The following C13orf42 variants were observed in gnomAD, a reference collection of about 807,000 sequenced individuals.
C13orf42 encodes chromosome 13 open reading frame 42, also known as uncharacterized protein C13orf42.
At chr13:51,115,435 T>C (rs1158805823), upstream of C13orf42, among the ~76,000 whole-genome samples, 2 of 152,178 alleles carry the variant, frequency 1.3e-5, no homozygotes, top group East Asian at 1.9e-4. Context: ...CTCCCTACAG[T>C]TGGGGACGTT....
At chr13:51,134,442 G>A (rs1036269479) in intron 1 of C13orf42, among the ~76,000 whole-genome samples, 3 of 152,128 alleles carry the variant, frequency 2.0e-5, no homozygotes, top group South Asian at 2.1e-4. Flanking sequence ...GATACCTCTC[G>A]GCAAAGGGGC....
chr13:51,120,353 G>T (rs950612711), intron 1 of C13orf42, among the ~76,000 whole-genome samples: 1 of 152,130 alleles, frequency 6.6e-6, no homozygotes, highest in Non-Finnish European at 1.5e-5. Context: ...AGATGTGAAC[G>T]CAGAAGCTGT....
chr13:51,170,461 C>T (rs1405504492), intron 1 of C13orf42, among the ~76,000 whole-genome samples: 1 of 152,178 alleles, frequency 6.6e-6, no homozygotes, highest in African/African-American at 2.4e-5. Flanking sequence ...ATTTCGAATC[C>T]GGTAAGTGGC....
At chr13:51,089,347 T>C (rs1953159954) in intron 1 of C13orf42, among the ~76,000 whole-genome samples, 1 of 152,174 alleles carries the variant, frequency 6.6e-6, no homozygotes, top group African/African-American at 2.4e-5. Flanking sequence ...CACCTTGATA[T>C]GATTTGGCTC....
chr13:51,137,703 CT>C (rs1416063296), intron 1 of C13orf42, among the ~76,000 whole-genome samples: 1 of 152,140 alleles, frequency 6.6e-6, no homozygotes, highest in East Asian at 1.9e-4. Context: ...AAATAACACA[CT>C]TTTATCTGAT....
upstream of C13orf42, among the ~76,000 whole-genome samples, chr13:51,112,740 C>T (rs923435709): frequency 7.9e-5 from 12 of 152,260 alleles, no homozygotes; most frequent in African/African-American, 2.6e-4. Flanking sequence ...AGAAGGGGCG[C>T]GCTGGAGAGG....
intron 1 of C13orf42, among the ~76,000 whole-genome samples, chr13:51,134,654 T>G (rs1247921606): frequency 1.3e-5 from 2 of 152,250 alleles, no homozygotes; most frequent in Non-Finnish European, 2.9e-5. Context: ...AAAAACCTGC[T>G]GGGCCCAGCT....
At chr13:51,127,589 A>G (rs1412116898) in intron 1 of C13orf42, among the ~76,000 whole-genome samples, 1 of 152,224 alleles carries the variant, frequency 6.6e-6, no homozygotes, top group Admixed American at 6.5e-5. Context: ...GCAAAGTGTT[A>G]CCTTCCATGA....
At chr13:51,156,025 C>T (rs1210094887) in intron 1 of C13orf42, among the ~76,000 whole-genome samples, 1 of 152,178 alleles carries the variant, frequency 6.6e-6, no homozygotes, top group African/African-American at 2.4e-5. Flanking sequence ...AAGCCTGGAA[C>T]AACATTTTCT....
At chr13:51,147,600 G>T (rs1953746531) in intron 1 of C13orf42, among the ~76,000 whole-genome samples, 1 of 152,198 alleles carries the variant, frequency 6.6e-6, no homozygotes, top group Non-Finnish European at 1.5e-5. Flanking sequence ...ATGATGGCGG[G>T]TGCCTGTAAT....
At chr13:51,115,218 T>C (rs529568761), upstream of C13orf42, among the ~76,000 whole-genome samples, 1 of 152,332 alleles carries the variant, frequency 6.6e-6, no homozygotes, top group East Asian at 1.9e-4. Context: ...CCTGCAATAT[T>C]TGTAGAGATC....
chr13:51,106,254 G>C (rs1355014230), intron 1 of C13orf42, among the ~76,000 whole-genome samples: 1 of 152,104 alleles, frequency 6.6e-6, no homozygotes, highest in Non-Finnish European at 1.5e-5. Context: ...GGTTTCTCTT[G>C]AAGAAAAGAA....
At position 51,155,474 on chromosome 13, in the gene C13orf42, C is replaced by CAG. The variant is rs201893082; in HGVS notation, n.136+16778_136+16779insCT. 1.3e-3 allele frequency among the ~76,000 whole-genome samples: 204 copies of CAG among 152,300 alleles called. 2 individuals carry two copies. The East Asian group carries it at 0.037, about 28-fold the overall frequency. On this transcript the variant is annotated intron_variant and non_coding_transcript_variant, in intron 1 of 4. Transcript: ENST00000433280. The stretch of plus-strand genomic sequence containing the variant: ...CAGTCCAGGTGTATTTGTGTGAACT[C>CAG]TTCAAGTATGAGCGCTGGAAACCCA...
At chr13:51,098,662 G>A (rs1182691609) in intron 1 of C13orf42, among the ~76,000 whole-genome samples, 1 of 152,092 alleles carries the variant, frequency 6.6e-6, no homozygotes, top group East Asian at 1.9e-4. Flanking sequence ...ACAGGTTGTA[G>A]GATATTCACA....
At chr13:51,097,656 C>T (rs9563019) in intron 1 of C13orf42, among the ~76,000 whole-genome samples, 34,066 of 151,924 alleles carry the variant, frequency 0.22, 3,968 homozygotes, top group South Asian at 0.39. Flanking sequence ...AATGAGATTT[C>T]AGTCATCAAT....
intron 2 of C13orf42, among the ~76,000 whole-genome samples, chr13:51,085,818 G>A (rs1953118644): frequency 6.6e-6 from 1 of 152,254 alleles, no homozygotes; most frequent in Admixed American, 6.5e-5. Context: ...GGGAGTTCGA[G>A]GCAGGCCAGT....
intron 1 of C13orf42, among the ~76,000 whole-genome samples, chr13:51,168,746 G>A (rs920300655): frequency 2.6e-5 from 4 of 152,206 alleles, no homozygotes; most frequent in Non-Finnish European, 5.9e-5. Context: ...CAATGTTGGA[G>A]GAGGGGTCAG....
At chr13:51,095,381 A>C (rs2137984161) in intron 1 of C13orf42, among the ~76,000 whole-genome samples, 1 of 152,168 alleles carries the variant, frequency 6.6e-6, no homozygotes, top group East Asian at 1.9e-4. Context: ...TATGTCATTA[A>C]TTTGGGGGAA....
chr13:51,122,957 G>A (rs1953548489), intron 1 of C13orf42, among the ~76,000 whole-genome samples: 1 of 152,094 alleles, frequency 6.6e-6, no homozygotes, highest in African/African-American at 2.4e-5. Context: ...AAAACAATGG[G>A]GGAGAAAGGA....
Sources: allele counts gnomAD v4.1 joint callset (sites outside exome capture counted in the v4.1 genomes callset), GRCh38; gene constraint gnomAD v4.1.1; transcripts MANE v1.5; gene names NCBI Gene and HGNC (gene_info 2026-07-23, HGNC 2026-07-21).